Variants in SMC6 observed in about 807,000 individuals in gnomAD.
The protein encoded by SMC6 is structural maintenance of chromosomes protein 6.
In SMC6, 79 loss-of-function variants were observed where a neutral mutation model predicts 142.2. The ratio of observed to expected loss-of-function variants is 0.56; its 90% CI spans 0.46 to 0.67. The LOEUF is 0.67. SMC6 is among the 30% of genes least tolerant of loss of function. The pLI is 0.00. For synonymous variants in SMC6, 411 were observed against 412.4 expected, an observed-to-expected ratio of 1.00 and a Z score of 0.04; for missense variants, 1,072 against 1,284.0, an observed-to-expected ratio of 0.83 and a Z score of 2.52.
intron 26 of SMC6, among the ~76,000 whole-genome samples, chr2:17,667,141 G>C (rs1472918934): frequency 6.6e-6 from 1 of 152,220 alleles, no homozygotes; most frequent in Non-Finnish European, 1.5e-5. Context: ...CTAAATGTTA[G>C]AGAATAAATC....
At chr2:17,688,561 T>A (rs1169585672) in intron 23 of SMC6, among the ~76,000 whole-genome samples, 1 of 152,054 alleles carries the variant, frequency 6.6e-6, no homozygotes, top group Non-Finnish European at 1.5e-5. Flanking sequence ...CGAGACCCTG[T>A]CTCAGAAAAA....
intron 24 of SMC6, chr2:17,681,662 C>T (rs1667244507): frequency 6.6e-6 from 1 of 152,184 alleles, no homozygotes; most frequent in African/African-American, 2.4e-5. Flanking sequence ...GAAGAACACA[C>T]ACAACATTTG....
intron 25 of SMC6, among the ~76,000 whole-genome samples, chr2:17,676,945 G>C (rs1467058703): frequency 6.6e-6 from 1 of 152,018 alleles, no homozygotes; most frequent in Non-Finnish European, 1.5e-5. Context: ...AGCTCTTTTT[G>C]TAGATTCCAT....
intron 25 of SMC6, among the ~76,000 whole-genome samples, chr2:17,678,617 A>AG (rs1558328124): frequency 6.6e-6 from 1 of 151,644 alleles, no homozygotes; most frequent in East Asian, 1.9e-4. Flanking sequence ...AAAAAAAAAA[A>AG]AAAAAAAAAT....
chr2:17,667,317 C>T (rs573793241), intron 26 of SMC6, among the ~76,000 whole-genome samples: 1 of 152,178 alleles, frequency 6.6e-6, no homozygotes, highest in Non-Finnish European at 1.5e-5. Context: ...CCAATTTGAA[C>T]TTACAGACCA....
intron 5 of SMC6, among the ~76,000 whole-genome samples, chr2:17,733,611 T>TA (rs1178742741): frequency 1.3e-5 from 2 of 152,178 alleles, no homozygotes; most frequent in Non-Finnish European, 2.9e-5. Flanking sequence ...AAAAAGGTTT[T>TA]AAAAAATCAA....
rs35471536 is a variant in SMC6 at position 17,726,087 on chromosome 2, T to TAAAAAAAAAAAAAAAAAAAA, written c.624+282_624+301dup. Among the ~76,000 whole-genome samples the TAAAAAAAAAAAAAAAAAAAA allele has an allele frequency of 1.3e-4, 7 of 54,942 alleles. 1 individual carries two copies. The highest frequency in any genetic ancestry group is 5.4e-4 in the African/African-American group (6 of 11,018). 36.0% of individuals were successfully genotyped at this position (54,942 alleles called of 152,430 possible). On this transcript the variant is annotated intron_variant, in intron 8 of 27. Transcript: ENST00000448223. Reference sequence around the variant, plus strand: ...TGGAAGACAGAGCAAGGCTCTGTCTTAAAAAAAAAAAAAAAAAAAAAAAAA... The same window carrying TAAAAAAAAAAAAAAAAAAAA: ...TGGAAGACAGAGCAAGGCTCTGTCTTAAAAAAAAAAAAAAAAAAAAAAAAAAAAAAAAAAAAAAAAAAAAA...
At position 17,666,451 on chromosome 2, in the gene SMC6, G is replaced by A. The variant is rs749256923; in HGVS notation, c.3130C>T (p.Gln1044Ter). 6.2e-7 allele frequency: 1 copy of A among 1,613,796 alleles called. No homozygotes were observed. Among genetic ancestry groups the A allele is most frequent in the Non-Finnish European group, 8.5e-7 (1 of 1,179,876 alleles). Residue 1044 changes from glutamine (Q) to a stop codon, truncating the protein, a stop_gained, in exon 27 of 28, where the codon CAG becomes TAG. Coordinates refer to ENST00000448223, the MANE Select transcript of SMC6 (RefSeq NM_001142286.2). LOFTEE classifies it high-confidence loss of function. ...CTTTGAGGTGTGAGCAAGATAAACTGTCTAAAACGCTGGGAATCTGCCATC... is the reference window on the plus strand; with the variant it reads ...CTTTGAGGTGTGAGCAAGATAAACTATCTAAAACGCTGGGAATCTGCCATC... Reference protein sequence around the residue: ...LKMADSQRFRQFILLTPQSMS... With the variant: ...LKMADSQRFR
At chr2:17,726,273 G>T in intron 8 of SMC6, 116 bp downstream of exon 8, 1 of 632,044 alleles carries the variant, frequency 1.6e-6, no homozygotes, top group East Asian at 2.9e-5. Context: ...ACTTTAAATA[G>T]ATGGCTTTAA....
At position 17,700,324 on chromosome 2, in the gene SMC6, C is replaced by T; in HGVS notation, c.2278G>A (p.Glu760Lys). The T allele has an allele frequency of 1.2e-6, 2 of 1,610,010 alleles. No homozygotes were observed. The highest frequency in any genetic ancestry group is 1.7e-6 in the Non-Finnish European group (2 of 1,178,512). Residue 760 changes from glutamate (E) to lysine (K), a missense_variant, in exon 21 of 28, where the codon GAG (glutamate) becomes AAG (lysine). This residue lies in a region of SMC6 where 994 missense variants were observed against 1,153.2 expected (regional missense o/e 0.86). Coordinates refer to ENST00000448223, the MANE Select transcript of SMC6 (RefSeq NM_001142286.2). ...SKMKMVEEHM[E>K]QQKENMEHLK... ...TGCTCCATATTTTCTTTTTGTTGCT[C>T]CATATGTTCCTCAACCATTTTCATT...
chr2:17,669,127 C>T (rs560406380), intron 26 of SMC6, among the ~76,000 whole-genome samples: 32 of 152,230 alleles, frequency 2.1e-4, no homozygotes, highest in African/African-American at 7.5e-4. Flanking sequence ...AGAGGTCAGA[C>T]TTGAACAAGG....
In SMC6 at chr2:17,718,091, A is replaced by C; in HGVS notation, c.1078T>G (p.Tyr360Asp). ...ATTTATCTCACCTCAGCTTCATTATAGGCCCTTTTCTTAGCAACAACATCT... is the reference window on the plus strand; with the variant it reads ...ATTTATCTCACCTCAGCTTCATTATCGGCCCTTTTCTTAGCAACAACATCT... ...KADVVAKKRA[Y>D]NEAEVLYNRS... Residue 360 changes from tyrosine (Y) to aspartate (D), a missense_variant, in exon 12 of 28, where the codon TAT (tyrosine) becomes GAT (aspartate). Physicochemically the swap from Tyr to Asp is radical, Grantham distance 160. Around this residue, in one of 3 missense-constraint regions of SMC6, gnomAD observed 994 missense variants for 1,153.2 expected, o/e 0.86. Transcript: ENST00000448223. 2 of 1,607,928 alleles carry C rather than the reference A, an allele frequency of 1.2e-6. No individual in the cohort carries two copies. The highest frequency in any genetic ancestry group is 1.7e-6 in the Non-Finnish European group (2 of 1,176,956).
At chr2:17,729,657 T>G (rs1669812131) in intron 7 of SMC6, among the ~76,000 whole-genome samples, 1 of 152,244 alleles carries the variant, frequency 6.6e-6, no homozygotes, top group Admixed American at 6.5e-5. Flanking sequence ...CTCTAACTTT[T>G]GGTTTTCCTG....
At chr2:17,730,299 C>T (rs915533084) in intron 7 of SMC6, among the ~76,000 whole-genome samples, 1 of 151,496 alleles carries the variant, frequency 6.6e-6, no homozygotes, top group African/African-American at 2.4e-5. Context: ...TTGGCCCCTA[C>T]AAGTGTGATC....
chr2:17,666,360 A>G, intron 27 of SMC6, 60 bp downstream of exon 27: 2 of 1,227,942 alleles, frequency 1.6e-6, no homozygotes, highest in South Asian at 2.7e-5. Flanking sequence ...TAAAATTGTA[A>G]AAGATTTCTT....
At chr2:17,683,544 A>T in intron 24 of SMC6, 94 bp downstream of exon 24, 2 of 1,138,102 alleles carry the variant, frequency 1.8e-6, no homozygotes, top group Non-Finnish European at 2.5e-6. Context: ...AGCAAGCATT[A>T]ATAGTCTCTG....
chr2:17,748,874 C>T (rs756673555), intron 2 of SMC6, among the ~76,000 whole-genome samples: 1 of 152,250 alleles, frequency 6.6e-6, no homozygotes, highest in African/African-American at 2.4e-5. Flanking sequence ...ATGTGATACG[C>T]TTCTCACAAG....
At chr2:17,682,750 A>T (rs188669825) in intron 24 of SMC6, among the ~76,000 whole-genome samples, 1 of 152,162 alleles carries the variant, frequency 6.6e-6, no homozygotes, top group Admixed American at 6.5e-5. Context: ...TCATCTAACA[A>T]GGCTAAAAGT....
intron 21 of SMC6, among the ~76,000 whole-genome samples, chr2:17,699,046 G>T (rs894573480): frequency 6.6e-6 from 1 of 151,838 alleles, no homozygotes; most frequent in Non-Finnish European, 1.5e-5. Context: ...TATAATTTTT[G>T]CTAGCCTTCT....
Sources: allele counts gnomAD v4.1 joint callset (sites outside exome capture counted in the v4.1 genomes callset), GRCh38; gene constraint gnomAD v4.1.1; regional missense constraint gnomAD v4.1.1; transcripts MANE v1.5; gene names NCBI Gene and HGNC (gene_info 2026-07-23, HGNC 2026-07-21).